The following NRXN3 variants were observed in gnomAD, a reference collection of about 807,000 sequenced individuals.
The protein encoded by NRXN3 is neurexin III.
A neutral mutation model predicts 137.6 loss-of-function variants in NRXN3; 32 were observed. The ratio of observed to expected loss-of-function variants is 0.23; its 90% CI spans 0.18 to 0.31. NRXN3 has a LOEUF of 0.31. Among genes scored for constraint, NRXN3 ranks in the 10% least tolerant of loss-of-function variants. The probability of loss-of-function intolerance (pLI) is 1.00; values close to 1 mark genes in which losing one functional copy is unlikely to be tolerated. For synonymous variants in NRXN3, 798 were observed against 784.5 expected (o/e 1.02, Z -0.29); for missense variants, 1,574 against 2,062.5 (o/e 0.76, Z 4.59).
intron 8 of NRXN3, among the ~76,000 whole-genome samples, chr14:78,757,082 C>G (rs762745936): frequency 9.9e-5 from 15 of 152,226 alleles, no homozygotes; most frequent in Non-Finnish European, 1.6e-4. Context: ...AATCTTAAGA[C>G]TGATGGTTCA....
At chr14:78,960,579 G>A (rs558370024) in intron 11 of NRXN3, among the ~76,000 whole-genome samples, 57 of 152,134 alleles carry the variant, frequency 3.7e-4, no homozygotes, top group Admixed American at 1.2e-3. Flanking sequence ...CATTAAGTTC[G>A]GGTGACAGTT....
intron 10 of NRXN3, among the ~76,000 whole-genome samples, chr14:78,877,406 C>T (rs2099116408): frequency 6.6e-6 from 1 of 152,130 alleles, no homozygotes; most frequent in Non-Finnish European, 1.5e-5. Context: ...ACTTCTCTAC[C>T]TTCCATCTAG....
At chr14:79,531,907 G>A (rs1449262213) in intron 16 of NRXN3, among the ~76,000 whole-genome samples, 1 of 152,188 alleles carries the variant, frequency 6.6e-6, no homozygotes, top group Non-Finnish European at 1.5e-5. Flanking sequence ...TTGAGAGTAC[G>A]TTAATCAAGG....
At chr14:78,759,870 G>C (rs2098685920) in intron 8 of NRXN3, among the ~76,000 whole-genome samples, 1 of 151,990 alleles carries the variant, frequency 6.6e-6, no homozygotes, top group Non-Finnish European at 1.5e-5. Flanking sequence ...GTCAGCTTTT[G>C]ACTATAGCCA....
chr14:79,685,716 A>G (rs973094970), intron 17 of NRXN3, among the ~76,000 whole-genome samples: 4 of 152,226 alleles, frequency 2.6e-5, no homozygotes, highest in African/African-American at 9.6e-5. Context: ...TGAGTTACAA[A>G]TGGCCTCAAA....
At chr14:78,957,677 A>G (rs17757972) in intron 11 of NRXN3, among the ~76,000 whole-genome samples, 9,093 of 152,244 alleles carry the variant, frequency 0.06, 406 homozygotes, top group Admixed American at 0.083. Flanking sequence ...TCATTCAAAA[A>G]TCACATGTCA....
chr14:79,422,466 G>T (rs944973746), intron 15 of NRXN3, among the ~76,000 whole-genome samples: 2 of 152,008 alleles, frequency 1.3e-5, no homozygotes, highest in Admixed American at 1.3e-4. Context: ...ATATTCAACT[G>T]CATTCTTTAA....
At chr14:79,080,740 C>T (rs1435058976) in intron 15 of NRXN3, among the ~76,000 whole-genome samples, 1 of 152,136 alleles carries the variant, frequency 6.6e-6, no homozygotes, top group Non-Finnish European at 1.5e-5. Flanking sequence ...TTATTTTATT[C>T]AAGCCTCCAA....
chr14:79,583,627 C>T (rs1238164893), intron 16 of NRXN3, among the ~76,000 whole-genome samples: 1 of 152,106 alleles, frequency 6.6e-6, no homozygotes, highest in East Asian at 1.9e-4. Context: ...TAAGATTATA[C>T]TCAAGCCACT....
At chr14:79,817,644 T>C (rs1041848648) in intron 20 of NRXN3, among the ~76,000 whole-genome samples, 3 of 152,074 alleles carry the variant, frequency 2.0e-5, no homozygotes, top group South Asian at 2.1e-4. Flanking sequence ...AGCAAGGAAG[T>C]AGAAGAAATG....
intron 10 of NRXN3, among the ~76,000 whole-genome samples, chr14:78,845,938 A>ATG (rs2099025720): frequency 8.6e-6 from 1 of 116,458 alleles, no homozygotes; most frequent in African/African-American, 3.6e-5. Flanking sequence ...GTGTGTGTGT[A>ATG]TGTGTGTGTA....
At chr14:79,849,294 G>T (rs572877424) in intron 20 of NRXN3, among the ~76,000 whole-genome samples, 4 of 152,154 alleles carry the variant, frequency 2.6e-5, no homozygotes, top group Admixed American at 2.6e-4. Context: ...TCACAGCAAA[G>T]AAATCAATAC....
chr14:79,467,442 G>T, intron 16 of NRXN3, 40 bp downstream of exon 16: 1 of 1,530,120 alleles, frequency 6.5e-7, no homozygotes, highest in Non-Finnish European at 8.9e-7. Context: ...TTATGTTACT[G>T]GTGGTCTGAG....
At chr14:79,066,009 T>A (rs781256800) in intron 15 of NRXN3, among the ~76,000 whole-genome samples, 1 of 152,128 alleles carries the variant, frequency 6.6e-6, no homozygotes, top group African/African-American at 2.4e-5. Flanking sequence ...TAGATCCCAT[T>A]TGTCAATTTC....
At chr14:79,063,866 G>T (rs1320693069) in intron 15 of NRXN3, among the ~76,000 whole-genome samples, 3 of 151,946 alleles carry the variant, frequency 2.0e-5, no homozygotes, top group African/African-American at 7.3e-5. Flanking sequence ...TTTGTATATT[G>T]ACTTGAGAAA....
chr14:79,128,274 T>G, intron 15 of NRXN3, among the ~76,000 whole-genome samples: 1 of 126,294 alleles, frequency 7.9e-6, no homozygotes, highest in African/African-American at 3.2e-5. Context: ...AGGGAATGCT[T>G]CCAGTTTTTG....
At chr14:78,673,848 A>G (rs2097965319) in intron 6 of NRXN3, among the ~76,000 whole-genome samples, 1 of 152,214 alleles carries the variant, frequency 6.6e-6, no homozygotes. Flanking sequence ...GGAAAATGTG[A>G]ACATTCAGTC....
At chr14:78,447,700 C>T (rs1474772824) in intron 4 of NRXN3, among the ~76,000 whole-genome samples, 1 of 152,232 alleles carries the variant, frequency 6.6e-6, no homozygotes, top group Non-Finnish European at 1.5e-5. Context: ...TAGTTGCAAT[C>T]TCCCTTTTTG....
At chr14:79,066,607 C>T (rs2099681067) in intron 15 of NRXN3, among the ~76,000 whole-genome samples, 1 of 151,146 alleles carries the variant, frequency 6.6e-6, no homozygotes, top group Admixed American at 6.6e-5. Flanking sequence ...ATTGATTCTC[C>T]CTAGTCGTTT....
Sources: gnomAD v4.1 joint callset for allele counts (sites outside exome capture counted in the v4.1 genomes callset) on GRCh38, gnomAD v4.1.1 for gene constraint, MANE v1.5 for transcripts, NCBI Gene and HGNC (gene_info 2026-07-23, HGNC 2026-07-21) for gene names.